AMOTL1: variants seen among roughly 807,000 people sequenced by gnomAD.
AMOTL1 encodes the protein angiomotin like 1.
A neutral mutation model predicts 102.9 loss-of-function variants in AMOTL1; 45 were observed. The observed-to-expected ratio is 0.44, with a 90% CI of 0.34 to 0.56. The LOEUF is 0.56. Ranked by LOEUF, AMOTL1 falls within the 20% of genes least tolerant of loss-of-function variation. AMOTL1 has a pLI of 0.01. For missense variants in AMOTL1, 1,114 were observed against 1,225.6 expected (o/e 0.91, Z 1.36); for synonymous variants, 481 against 484.7 (o/e 0.99, Z 0.10).
intron 5 of AMOTL1, among the ~76,000 whole-genome samples, chr11:94,830,732 G>A (rs1952052389): frequency 6.6e-6 from 1 of 152,184 alleles, no homozygotes. Context: ...GCTGGATTTT[G>A]GCAGTCTCCA....
chr11:94,846,386 C>T (rs1274835889), intron 6 of AMOTL1, among the ~76,000 whole-genome samples: 1 of 152,222 alleles, frequency 6.6e-6, no homozygotes, highest in East Asian at 1.9e-4. Flanking sequence ...AGTTGACATT[C>T]ATCGGGAACT....
intron 1 of AMOTL1, among the ~76,000 whole-genome samples, chr11:94,715,302 A>T (rs1326973348): frequency 6.6e-6 from 1 of 152,094 alleles, no homozygotes. Flanking sequence ...TATTATGATG[A>T]ATATTCCATG....
At chr11:94,818,299 G>A (rs931897618) in intron 3 of AMOTL1, among the ~76,000 whole-genome samples, 1 of 152,192 alleles carries the variant, frequency 6.6e-6, no homozygotes, top group Non-Finnish European at 1.5e-5. Context: ...CCTGCAGTAA[G>A]TAAAGAATGT....
At chr11:94,853,340 C>T (rs1410904498) in intron 7 of AMOTL1, among the ~76,000 whole-genome samples, 1 of 152,108 alleles carries the variant, frequency 6.6e-6, no homozygotes, top group Non-Finnish European at 1.5e-5. Flanking sequence ...TTTTGTTCCC[C>T]TCCCTGTGCC....
intron 8 of AMOTL1, among the ~76,000 whole-genome samples, chr11:94,855,521 C>T (rs1565383168): frequency 6.6e-6 from 1 of 152,120 alleles, no homozygotes; most frequent in Non-Finnish European, 1.5e-5. Flanking sequence ...CAGCACTGGC[C>T]CACAGTAGAC....
intron 2 of AMOTL1, among the ~76,000 whole-genome samples, chr11:94,795,993 A>G (rs1354553833): frequency 6.6e-6 from 1 of 152,244 alleles, no homozygotes; most frequent in Non-Finnish European, 1.5e-5. Flanking sequence ...GTAGAGTGAA[A>G]GAGCAGACCA....
At chr11:94,757,428 G>A (rs954652332) in intron 3 of AMOTL1, among the ~76,000 whole-genome samples, 4 of 152,128 alleles carry the variant, frequency 2.6e-5, no homozygotes, top group African/African-American at 9.7e-5. Context: ...GAGGAGGGGT[G>A]ATTCCAGGCC....
Position 94,821,798 on chromosome 11 carries a change from G to T in AMOTL1, c.1390G>T (p.Asp464Tyr). 1 of 1,613,930 alleles carries T rather than the reference G, an allele frequency of 6.2e-7. No homozygotes were observed. The highest frequency in any genetic ancestry group is 8.5e-7 in the Non-Finnish European group (1 of 1,179,830). The change falls in exon 4 of 13, where the codon GAC (aspartate) becomes TAC (tyrosine). Residue 464 changes from aspartate to tyrosine, a missense_variant. Asp to Tyr is a radical substitution (Grantham distance 160, BLOSUM62 -3). Coordinates refer to ENST00000433060, the MANE Select transcript of AMOTL1 (RefSeq NM_130847.3). ...TCACCAGGAACTTCAGGGTTACTAC[G>T]ACAATGCCGACAAGCTCCACAAGGT... is the stretch of plus-strand genomic sequence containing the variant. ...VLHQELQGYY[D>Y]NADKLHKFEK...
At position 94,854,180 on chromosome 11, in the gene AMOTL1, A is replaced by G. The variant is rs940880285; in HGVS notation, c.1944+98A>G. ...GGGCCAGATCCTGCACCTTGCTCCCAGGATTCAGAGGGAAACAAGAACTCC... is the reference window on the plus strand; with the variant it reads ...GGGCCAGATCCTGCACCTTGCTCCCGGGATTCAGAGGGAAACAAGAACTCC... On this transcript the variant is annotated intron_variant, in intron 8 of 12. Transcript: ENST00000433060. The G allele has an allele frequency of 8.6e-6, 12 of 1,389,542 alleles. No individual in the cohort carries two copies. The African/African-American group carries it at 1.3e-4, about 15-fold the overall frequency. 86.1% of individuals were successfully genotyped at this position (1,389,542 alleles called of 1,614,324 possible). A position where few individuals can be genotyped will look rare whatever the true frequency, so the allele number is the denominator to read the frequency against.
chr11:94,821,468 G>A (rs1951864388), intron 3 of AMOTL1, 62 bp from the exon 4 acceptor site: 3 of 1,527,958 alleles, frequency 2.0e-6, no homozygotes, highest in South Asian at 2.6e-5. Flanking sequence ...GTATTGTTGG[G>A]GCTTCCTTCC....
At chr11:94,865,502 C>CGG (rs2135738008) in intron 10 of AMOTL1, among the ~76,000 whole-genome samples, 1 of 152,294 alleles carries the variant, frequency 6.6e-6, no homozygotes, top group Non-Finnish European at 1.5e-5. Flanking sequence ...AAATCATCTT[C>CGG]TACCAGAGAA....
chr11:94,810,872 G>A (rs1027684686), intron 3 of AMOTL1, among the ~76,000 whole-genome samples: 14 of 137,856 alleles, frequency 1.0e-4, no homozygotes, highest in Middle Eastern at 3.9e-3. Flanking sequence ...ACACACACGC[G>A]TACACACACA....
chr11:94,717,387 T>C (rs1326577712), intron 1 of AMOTL1, among the ~76,000 whole-genome samples: 1 of 147,268 alleles, frequency 6.8e-6, no homozygotes, highest in Non-Finnish European at 1.5e-5. Flanking sequence ...TGTCAGAAAA[T>C]ATAATTATTA....
intron 3 of AMOTL1, among the ~76,000 whole-genome samples, chr11:94,801,809 TAG>T (rs1951483670): frequency 6.6e-6 from 1 of 152,184 alleles, no homozygotes; most frequent in Non-Finnish European, 1.5e-5. Context: ...CAGAAATGTT[TAG>T]ATGTTGCTGA....
rs115751760 is a variant in AMOTL1 at position 94,831,860 on chromosome 11, T to C, written c.1648+319T>C. On this transcript the variant is annotated intron_variant, in intron 6 of 12. Transcript: ENST00000433060. ...TACTTCAGATAAGTTACAACCCTTT[T>C]TCTCCAGGAAATGGAAGGCAGCCTA... 2.4e-3 allele frequency among the ~76,000 whole-genome samples: 367 copies of C among 152,352 alleles called. 1 individual carries two copies. Among genetic ancestry groups the C allele is most frequent in the African/African-American group, 8.6e-3 (356 of 41,586 alleles).
At chr11:94,843,013 C>T (rs749019362) in intron 6 of AMOTL1, among the ~76,000 whole-genome samples, 1 of 152,214 alleles carries the variant, frequency 6.6e-6, no homozygotes, top group Non-Finnish European at 1.5e-5. Flanking sequence ...CCACTTGCAG[C>T]CTATGTATCC....
At chr11:94,863,366 G>A (rs1340704706) in intron 9 of AMOTL1, among the ~76,000 whole-genome samples, 1 of 152,036 alleles carries the variant, frequency 6.6e-6, no homozygotes, top group Non-Finnish European at 1.5e-5. Flanking sequence ...GCTGAGGCGG[G>A]TGAATCACCT....
intron 3 of AMOTL1, among the ~76,000 whole-genome samples, chr11:94,757,340 C>T (rs537146399): frequency 2.0e-5 from 3 of 152,096 alleles, no homozygotes; most frequent in African/African-American, 4.8e-5. Flanking sequence ...CTATTGTAAC[C>T]ACCGCTTATG....
chr11:94,785,929 G>A (rs1228850534), intron 1 of AMOTL1, among the ~76,000 whole-genome samples: 1 of 152,154 alleles, frequency 6.6e-6, no homozygotes, highest in African/African-American at 2.4e-5. Flanking sequence ...TTACATGCTG[G>A]TAATACTTGT....
Sources: gnomAD v4.1 joint callset for allele counts (sites outside exome capture counted in the v4.1 genomes callset) on GRCh38, gnomAD v4.1.1 for gene constraint, MANE v1.5 for transcripts, NCBI Gene and HGNC (gene_info 2026-07-23, HGNC 2026-07-21) for gene names.